The following RACGAP1 variants were observed in gnomAD, a reference collection of about 807,000 sequenced individuals.
RACGAP1 encodes rac GTPase-activating protein 1.
In RACGAP1, 30 loss-of-function variants were observed where a neutral mutation model predicts 78.1. The observed-to-expected ratio is 0.38, with a 90% confidence interval of 0.29 to 0.52. The LOEUF is 0.52. RACGAP1 is among the 20% of genes least tolerant of loss of function. The pLI, the probability that RACGAP1 is intolerant of heterozygous loss-of-function variation, is 0.82. For missense variants in RACGAP1, 587 were observed against 777.1 expected (o/e 0.76, Z 2.91); for synonymous variants, 231 against 264.8 (o/e 0.87, Z 1.24).
At chr12:50,002,113 G>A in intron 6 of RACGAP1, 134 bp downstream of exon 6, 1 of 519,538 alleles carries the variant, frequency 1.9e-6, no homozygotes, top group Non-Finnish European at 3.4e-6. Flanking sequence ...TGTCCCCACA[G>A]CATGAATTCA....
At chr12:50,007,485 ACT>A (rs1385429791) in intron 2 of RACGAP1, among the ~76,000 whole-genome samples, 1 of 152,126 alleles carries the variant, frequency 6.6e-6, no homozygotes. Context: ...TCTAAGGATC[ACT>A]CTCCACCAAC....
In RACGAP1 at chr12:50,000,018, A is replaced by ATGTTTTTTTTTTTTTTTTTT. The variant is rs1555172403; in HGVS notation, c.631-286_631-285insAAAAAAAAAAAAAAAAAACA. Among the ~76,000 whole-genome samples, 13 of 99,616 alleles carry ATGTTTTTTTTTTTTTTTTTT rather than the reference A, an allele frequency of 1.3e-4. 2 individuals are homozygous for ATGTTTTTTTTTTTTTTTTTT. The highest frequency in any genetic ancestry group is 1.5e-4 in the African/African-American group (4 of 26,418). The allele number at this position is 99,616 out of a possible 152,430, so 65.4% of individuals were successfully genotyped here. A position where few individuals can be genotyped will look rare whatever the true frequency, so the allele number is the denominator to read the frequency against. ...AAGCATGCGCCACCACACCTGACTGATTTTTTTTTTTTTGAGACGGAGTCT... is the reference window on the plus strand; with the variant it reads ...AAGCATGCGCCACCACACCTGACTGATGTTTTTTTTTTTTTTTTTTTTTTTTTTTTTTTGAGACGGAGTCT... On this transcript the variant is annotated intron_variant, in intron 7 of 16. Coordinates refer to ENST00000312377, the MANE Select transcript of RACGAP1 (RefSeq NM_001319999.2).
At position 50,006,469 on chromosome 12, in the gene RACGAP1, G is replaced by A. The variant is rs772719686; in HGVS notation, c.253C>T (p.Arg85Trp). The A allele has an allele frequency of 3.1e-6, 5 of 1,613,994 alleles. No individual in the cohort carries two copies. In the East Asian group the frequency reaches 6.7e-5, roughly 22 times the overall value. The stretch of plus-strand genomic sequence containing the variant: ...CAGTCAGCCTCAGCTCTCTGTCTCC[G>A]TTTGATCTCTACATCCACCTGATTA... The part of the protein sequence containing the change: ...ARNQVDVEIK[R>W]RQRAEADCEK... Residue 85 changes from arginine to tryptophan, a missense_variant, in exon 3 of 17, where the codon CGG becomes TGG. By Grantham distance (101) the Arg-to-Trp change is moderately radical. Transcript: ENST00000312377.
At chr12:49,992,405 T>C (rs1947954228) in intron 13 of RACGAP1, 28 bp from the exon 14 acceptor site, 1 of 1,608,200 alleles carries the variant, frequency 6.2e-7, no homozygotes, top group Non-Finnish European at 8.5e-7. Flanking sequence ...AAATTAGAAG[T>C]CTTGCTCCTT....
intron 2 of RACGAP1, among the ~76,000 whole-genome samples, chr12:50,007,244 GAA>G (rs796411818): frequency 7.4e-6 from 1 of 134,896 alleles, no homozygotes; most frequent in African/African-American, 2.7e-5. Context: ...CATTCCAGTT[GAA>G]AAAAAAAAAA....
At chr12:49,993,304 G>A (rs1027217821) in intron 12 of RACGAP1, among the ~76,000 whole-genome samples, 1 of 152,152 alleles carries the variant, frequency 6.6e-6, no homozygotes, top group Admixed American at 6.5e-5. Context: ...AGTAAACTTG[G>A]TATATTCTAA....
intron 2 of RACGAP1, among the ~76,000 whole-genome samples, chr12:50,013,303 C>A (rs1424388752): frequency 6.6e-6 from 1 of 152,066 alleles, no homozygotes; most frequent in Non-Finnish European, 1.5e-5. Context: ...AGCACTCCCA[C>A]AAAGAAAATA....
At chr12:49,996,327 A>G (rs571903186) in intron 10 of RACGAP1, among the ~76,000 whole-genome samples, 10 of 151,708 alleles carry the variant, frequency 6.6e-5, no homozygotes, top group African/African-American at 2.4e-4. Flanking sequence ...AAAGAGAGAC[A>G]TTAAAAAAAG....
Position 50,025,384 on chromosome 12 carries a change from C to G in RACGAP1, c.-5+14G>C. The G allele has an allele frequency of 1.0e-6, 1 of 985,798 alleles. No homozygotes were observed. Among genetic ancestry groups the G allele is most frequent in the Non-Finnish European group, 1.2e-6 (1 of 830,232 alleles). 61.1% of individuals were successfully genotyped at this position (985,798 alleles called of 1,614,324 possible). On this transcript the variant is annotated intron_variant, in intron 1 of 16. Transcript: ENST00000312377. Reference sequence around the variant, plus strand: ...AGCGGCAGACGCACCTGGTCTGGCACCCCCACTACTCACTTCAGTCAGCCT... The same window carrying G: ...AGCGGCAGACGCACCTGGTCTGGCAGCCCCACTACTCACTTCAGTCAGCCT...
rs753975246 is a variant in RACGAP1 at position 49,992,148 on chromosome 12, A to T, written c.1579-15T>A. On this transcript the variant is annotated splice_polypyrimidine_tract_variant and intron_variant, in intron 14 of 16. Transcript: ENST00000312377. ...CGCTCAACCACCTAAAAGCCAGCAA[A>T]TCTGTTAGCAAACTTCCAAAGCTCA... 1 of 1,612,868 alleles carries T rather than the reference A, an allele frequency of 6.2e-7. No individual in the cohort carries two copies. The highest frequency in any genetic ancestry group is 8.5e-7 in the Non-Finnish European group (1 of 1,179,498).
chr12:50,006,673 A>C, intron 2 of RACGAP1, 37 bp from the exon 3 acceptor site: 1 of 1,588,260 alleles, frequency 6.3e-7, no homozygotes, highest in South Asian at 1.1e-5. Flanking sequence ...TTCAAGCACC[A>C]AACAGAGTAT....
At chr12:50,014,903 T>C (rs1406553449) in intron 2 of RACGAP1, among the ~76,000 whole-genome samples, 1 of 151,204 alleles carries the variant, frequency 6.6e-6, no homozygotes, top group Non-Finnish European at 1.5e-5. Context: ...ATTAGCCGAG[T>C]GTGGTGGCGG....
At chr12:50,002,996 C>G (rs1412271852) in intron 5 of RACGAP1, among the ~76,000 whole-genome samples, 1 of 149,310 alleles carries the variant, frequency 6.7e-6, no homozygotes, top group African/African-American at 2.5e-5. Context: ...TGCATTCTAG[C>G]CTGGGTGACA....
chr12:49,998,409 A>G (rs1490456126), intron 9 of RACGAP1, among the ~76,000 whole-genome samples: 2 of 152,018 alleles, frequency 1.3e-5, no homozygotes, highest in African/African-American at 4.8e-5. Flanking sequence ...GTCTCAAGAA[A>G]AAAAAAGAAA....
chr12:50,029,879 C>T (rs554088468), upstream of RACGAP1, among the ~76,000 whole-genome samples: 3 of 151,978 alleles, frequency 2.0e-5, no homozygotes, highest in Non-Finnish European at 2.9e-5. Flanking sequence ...GGCAACAGAG[C>T]GAGACTCCGT....
At chr12:50,024,119 C>T (rs572550982) in intron 1 of RACGAP1, among the ~76,000 whole-genome samples, 6 of 152,102 alleles carry the variant, frequency 3.9e-5, no homozygotes. Context: ...CGAGATCGCG[C>T]CACTGCACTC....
chr12:49,994,002 G>A (rs1316890785), intron 12 of RACGAP1, 129 bp downstream of exon 12: 7 of 895,660 alleles, frequency 7.8e-6, no homozygotes, highest in African/African-American at 6.8e-5. Flanking sequence ...CTGAGATTGC[G>A]CCACTGACTT....
At chr12:50,010,522 A>G (rs1949254843) in intron 2 of RACGAP1, among the ~76,000 whole-genome samples, 1 of 151,752 alleles carries the variant, frequency 6.6e-6, no homozygotes, top group Non-Finnish European at 1.5e-5. Context: ...ACGGGGTTTC[A>G]CCATGTTGGT....
chr12:50,005,448 T>G, intron 3 of RACGAP1, 56 bp from the exon 4 acceptor site: 1 of 1,599,648 alleles, frequency 6.3e-7, no homozygotes, highest in Admixed American at 1.7e-5. Context: ...AAGCTTCACC[T>G]CAAGTTTATG....
Sources: gnomAD v4.1 joint callset for allele counts (sites outside exome capture counted in the v4.1 genomes callset) on GRCh38, gnomAD v4.1.1 for gene constraint, MANE v1.5 for transcripts, NCBI Gene and HGNC (gene_info 2026-07-23, HGNC 2026-07-21) for gene names.